EYA1: variants seen among roughly 807,000 people sequenced by gnomAD.
EYA1 encodes protein phosphatase EYA1.
Under a neutral mutation model 82.0 loss-of-function variants are expected in EYA1, and 16 were observed. The observed-to-expected ratio is 0.20, with a 90% CI of 0.13 to 0.30. The LOEUF (loss-of-function observed/expected upper bound fraction) is 0.30. Ranked by LOEUF, EYA1 falls within the 10% of genes least tolerant of loss-of-function variation. The pLI, the probability that EYA1 is intolerant of heterozygous loss-of-function variation, is 1.00. For synonymous variants in EYA1, 261 were observed against 264.4 expected (o/e 0.99, Z 0.12); for missense variants, 633 against 730.7 (o/e 0.87, Z 1.54).
chr8:71,222,358 T>C (rs575513021), intron 12 of EYA1, among the ~76,000 whole-genome samples: 1 of 152,278 alleles, frequency 6.6e-6, no homozygotes, highest in South Asian at 2.1e-4. Context: ...GCGATTATCC[T>C]CCACTAGAAA....
intron 2 of EYA1, among the ~76,000 whole-genome samples, chr8:71,499,109 C>T (rs914495745): frequency 6.6e-6 from 1 of 152,120 alleles, no homozygotes; most frequent in African/African-American, 2.4e-5. Flanking sequence ...GCTGGGGACC[C>T]TCTGCTTAGG....
At chr8:71,228,460 A>G (rs1429550011) in intron 12 of EYA1, among the ~76,000 whole-genome samples, 1 of 152,280 alleles carries the variant, frequency 6.6e-6, no homozygotes, top group African/African-American at 2.4e-5. Context: ...GGAAAAAAAA[A>G]AGGGAAAGTT....
At chr8:71,262,786 G>A (rs550315726) in intron 11 of EYA1, among the ~76,000 whole-genome samples, 1 of 152,338 alleles carries the variant, frequency 6.6e-6, no homozygotes, top group African/African-American at 2.4e-5. Context: ...ATGGCCAGAA[G>A]AGAGATGAAG....
chr8:71,243,370 G>T (rs1335828304), intron 12 of EYA1, among the ~76,000 whole-genome samples: 1 of 151,898 alleles, frequency 6.6e-6, no homozygotes, highest in Non-Finnish European at 1.5e-5. Context: ...GTTTCTAAAG[G>T]CAATTAATTC....
At chr8:71,282,877 A>C (rs1369092017) in intron 9 of EYA1, among the ~76,000 whole-genome samples, 1 of 151,946 alleles carries the variant, frequency 6.6e-6, no homozygotes, top group African/African-American at 2.4e-5. Flanking sequence ...TTAGATTTCT[A>C]ACAGACAGCT....
intron 9 of EYA1, among the ~76,000 whole-genome samples, 156 bp from the exon 10 acceptor site, chr8:71,272,053 A>C (rs1365865883): frequency 6.6e-6 from 1 of 152,192 alleles, no homozygotes; most frequent in Non-Finnish European, 1.5e-5. Context: ...TAAATAATTT[A>C]TAAGATATCT....
intron 4 of EYA1, among the ~76,000 whole-genome samples, 191 bp downstream of exon 4, chr8:71,333,906 C>G (rs1824177846): frequency 1.3e-5 from 2 of 152,064 alleles, no homozygotes; most frequent in Admixed American, 1.3e-4. Context: ...CACTTCTTCA[C>G]AATGAATAAA....
intron 9 of EYA1, among the ~76,000 whole-genome samples, chr8:71,282,588 C>T (rs1428836178): frequency 6.6e-6 from 1 of 152,172 alleles, no homozygotes; most frequent in Admixed American, 6.5e-5. Context: ...TGTTCCTTGG[C>T]CTCTGAAAGG....
chr8:71,415,223 T>A (rs1389952511), intron 2 of EYA1, among the ~76,000 whole-genome samples: 2 of 152,232 alleles, frequency 1.3e-5, no homozygotes, highest in Non-Finnish European at 2.9e-5. Context: ...TCCAGAGAAC[T>A]TAAAGTTCTC....
chr8:71,218,690 T>A (rs1413156338), intron 12 of EYA1, among the ~76,000 whole-genome samples: 1 of 152,210 alleles, frequency 6.6e-6, no homozygotes, highest in Non-Finnish European at 1.5e-5. Context: ...ATTAATGTAA[T>A]CTTATTTTAG....
intron 9 of EYA1, among the ~76,000 whole-genome samples, chr8:71,293,672 T>C (rs925924163): frequency 6.6e-6 from 1 of 151,884 alleles, no homozygotes; most frequent in Admixed American, 6.6e-5. Context: ...ATCAATGAGC[T>C]AATGAAGAAA....
At chr8:71,265,240 G>C (rs979787951) in intron 11 of EYA1, among the ~76,000 whole-genome samples, 1 of 151,734 alleles carries the variant, frequency 6.6e-6, no homozygotes, top group African/African-American at 2.4e-5. Context: ...TTTTATGCTA[G>C]ACATGGTGCT....
intron 2 of EYA1, among the ~76,000 whole-genome samples, chr8:71,427,966 G>T (rs533948945): frequency 7.7e-6 from 1 of 130,388 alleles, no homozygotes; most frequent in African/African-American, 2.9e-5. Context: ...GGGACAGAGA[G>T]AGACCTTGTC....
chr8:71,246,311 G>A (rs1056691724), intron 11 of EYA1, among the ~76,000 whole-genome samples: 3 of 152,224 alleles, frequency 2.0e-5, no homozygotes, highest in Non-Finnish European at 2.9e-5. Context: ...GGGATTGTAA[G>A]CAGAGAAACT....
chr8:71,513,579 A>C lies in EYA1; in HGVS notation c.33+22165T>G, dbSNP rs1421988510. Reference sequence around the variant, plus strand: ...GGGTAAATGGGGCAACCATCCCCTCAAGCATTTGTCCTTTGAGTCATAAAG... The same window carrying C: ...GGGTAAATGGGGCAACCATCCCCTCCAGCATTTGTCCTTTGAGTCATAAAG... On this transcript the variant is annotated intron_variant, in intron 2 of 18. Coordinates refer to the EYA1 transcript ENST00000643681. 2.6e-5 allele frequency among the ~76,000 whole-genome samples: 4 copies of C among 152,138 alleles called. No homozygotes were observed. The East Asian group carries it at 7.7e-4, about 29-fold the overall frequency.
At position 71,199,251 on chromosome 8, in the gene EYA1, C is replaced by G. The variant is rs528538012; in HGVS notation, c.*89G>C. 20 of 967,372 alleles carry G rather than the reference C, an allele frequency of 2.1e-5. 1 individual carries two copies. Among genetic ancestry groups the G allele is most frequent in the African/African-American group, 1.9e-4 (12 of 62,218 alleles). The allele number at this position is 967,372 out of a possible 1,614,324, so 59.9% of individuals were successfully genotyped here. A position where few individuals can be genotyped will look rare whatever the true frequency, so the allele number is the denominator to read the frequency against. On this transcript the variant is annotated 3_prime_UTR_variant, in exon 18 of 18. Transcript: ENST00000340726. ...ATCACCAGGCGGAAATTGCTAAGTT[C>G]TGGAGGCCGGCGCTGATGCGAGACT...
At chr8:71,421,480 T>C (rs1053519796) in intron 2 of EYA1, among the ~76,000 whole-genome samples, 1 of 152,236 alleles carries the variant, frequency 6.6e-6, no homozygotes, top group Non-Finnish European at 1.5e-5. Flanking sequence ...AATTTTCTTC[T>C]ACTATGCCAA....
At chr8:71,359,287 A>G (rs2129075468) in intron 1 of EYA1, among the ~76,000 whole-genome samples, 1 of 152,228 alleles carries the variant, frequency 6.6e-6, no homozygotes, top group East Asian at 1.9e-4. Flanking sequence ...GTTGATATTC[A>G]ATTTGTCTCT....
chr8:71,331,489 T>TTATA (rs71264550), intron 4 of EYA1, among the ~76,000 whole-genome samples: 7,819 of 146,746 alleles, frequency 0.053, 536 homozygotes, highest in African/African-American at 0.16. Context: ...TATAAATGTT[T>TTATA]TATATATATA....
Sources: gnomAD v4.1 joint callset for allele counts (sites outside exome capture counted in the v4.1 genomes callset) on GRCh38, gnomAD v4.1.1 for gene constraint, MANE v1.5 for transcripts, NCBI Gene and HGNC (gene_info 2026-07-23, HGNC 2026-07-21) for gene names.